GRM8: variants seen among roughly 807,000 people sequenced by gnomAD.
GRM8 encodes the protein metabotropic glutamate receptor 8.
Under a neutral mutation model 87.2 loss-of-function variants are expected in GRM8, and 47 were observed. The ratio of observed to expected loss-of-function variants is 0.54; its 90% CI spans 0.43 to 0.69. The LOEUF (loss-of-function observed/expected upper bound fraction) is 0.69. GRM8 is among the 30% of genes least tolerant of loss of function. The pLI, the probability that GRM8 is intolerant of heterozygous loss-of-function variation, is 0.00. For synonymous variants in GRM8, 396 were observed against 404.5 expected (o/e 0.98, Z 0.25); for missense variants, 1,019 against 1,139.2 (o/e 0.89, Z 1.52).
intron 2 of GRM8, among the ~76,000 whole-genome samples, chr7:127,221,378 G>T (rs1480607637): frequency 6.6e-6 from 1 of 152,148 alleles, no homozygotes; most frequent in Non-Finnish European, 1.5e-5. Flanking sequence ...TGTCACCAGT[G>T]CTACTGCTAA....
At chr7:126,868,170 A>G (rs1798769641) in intron 6 of GRM8, among the ~76,000 whole-genome samples, 1 of 152,154 alleles carries the variant, frequency 6.6e-6, no homozygotes, top group South Asian at 2.1e-4. Flanking sequence ...AGCCAGACCC[A>G]CTGGGCCACA....
At chr7:126,623,869 G>A (rs1443593806) in intron 7 of GRM8, among the ~76,000 whole-genome samples, 4 of 152,188 alleles carry the variant, frequency 2.6e-5, no homozygotes, top group African/African-American at 9.7e-5. Flanking sequence ...CTTGAGCCCG[G>A]GAGGTGGAAG....
intron 3 of GRM8, among the ~76,000 whole-genome samples, chr7:126,934,438 T>C (rs1343321919): frequency 1.3e-5 from 2 of 151,992 alleles, no homozygotes; most frequent in African/African-American, 2.4e-5. Flanking sequence ...GCCAGAGAAA[T>C]AGCAATACAA....
At chr7:126,497,790 C>G (rs899070400) in intron 9 of GRM8, among the ~76,000 whole-genome samples, 4 of 151,890 alleles carry the variant, frequency 2.6e-5, no homozygotes, top group Non-Finnish European at 5.9e-5. Flanking sequence ...AAATGATAGG[C>G]AGTAGTAACC....
At chr7:126,814,826 C>T (rs530280005) in intron 6 of GRM8, among the ~76,000 whole-genome samples, 1 of 151,720 alleles carries the variant, frequency 6.6e-6, no homozygotes, top group African/African-American at 2.4e-5. Context: ...TCAACCAGAA[C>T]CAGAACCCCT....
At chr7:126,918,095 A>G (rs1213219012) in intron 3 of GRM8, among the ~76,000 whole-genome samples, 1 of 152,258 alleles carries the variant, frequency 6.6e-6, no homozygotes, top group African/African-American at 2.4e-5. Flanking sequence ...GAGAAATGCT[A>G]TCATATAGGG....
intron 8 of GRM8, among the ~76,000 whole-genome samples, chr7:126,599,875 T>C (rs980814248): frequency 2.0e-5 from 3 of 152,084 alleles, no homozygotes; most frequent in African/African-American, 7.2e-5. Flanking sequence ...ATGAACTGAA[T>C]CTAAGACACT....
chr7:126,680,089 C>A (rs946166763), intron 7 of GRM8, among the ~76,000 whole-genome samples: 1 of 152,012 alleles, frequency 6.6e-6, no homozygotes, highest in Admixed American at 6.6e-5. Context: ...AGGCTCACCC[C>A]AGATTGCACA....
In GRM8 at chr7:127,071,351, A is replaced by G. The variant is rs145527087; in HGVS notation, c.727+35145T>C. ...AATTTGATATCCTAGAGTATTCAGC[A>G]GGATCCCTTAATGAACTTAAAACTG... On this transcript the variant is annotated intron_variant, in intron 3 of 10. Coordinates refer to ENST00000339582, the MANE Select transcript of GRM8 (RefSeq NM_000845.3). Among the ~76,000 whole-genome samples the G allele has an allele frequency of 2.1e-3, 313 of 152,318 alleles. 3 individuals carry two copies. The highest frequency in any genetic ancestry group is 7.2e-3 in the African/African-American group (300 of 41,582).
intron 3 of GRM8, among the ~76,000 whole-genome samples, chr7:127,096,188 A>C (rs1824635177): frequency 6.6e-6 from 1 of 152,194 alleles, no homozygotes; most frequent in African/African-American, 2.4e-5. Context: ...CCTTTTGCTC[A>C]TTGAGCAAAT....
chr7:126,966,037 C>T (rs1403001952), intron 3 of GRM8, among the ~76,000 whole-genome samples: 3 of 152,118 alleles, frequency 2.0e-5, no homozygotes, highest in Non-Finnish European at 4.4e-5. Context: ...GAAGAAATAG[C>T]ACTCTCTAAA....
At chr7:126,666,684 AT>A (rs1319645891) in intron 7 of GRM8, among the ~76,000 whole-genome samples, 1 of 152,112 alleles carries the variant, frequency 6.6e-6, no homozygotes, top group African/African-American at 2.4e-5. Flanking sequence ...TCTAACAGTG[AT>A]TTAAAAAAAA....
At chr7:126,807,537 C>T (rs1792894492) in intron 6 of GRM8, among the ~76,000 whole-genome samples, 1 of 152,102 alleles carries the variant, frequency 6.6e-6, no homozygotes, top group Admixed American at 6.5e-5. Flanking sequence ...TTTTCCTAGT[C>T]CTTCAGTTGC....
intron 2 of GRM8, among the ~76,000 whole-genome samples, chr7:127,167,024 A>G (rs1383992868): frequency 6.6e-6 from 1 of 152,170 alleles, no homozygotes; most frequent in Non-Finnish European, 1.5e-5. Context: ...AAGTTTCTTC[A>G]CTAAGAGTAG....
chr7:126,562,169 G>A (rs17149975), intron 8 of GRM8, among the ~76,000 whole-genome samples: 19,488 of 152,084 alleles, frequency 0.13, 1,560 homozygotes, highest in South Asian at 0.17. Flanking sequence ...TAAGCTGGAT[G>A]GGTCATTAAA....
chr7:127,190,581 A>C (rs555444615), intron 2 of GRM8, among the ~76,000 whole-genome samples: 70 of 152,218 alleles, frequency 4.6e-4, no homozygotes, highest in African/African-American at 1.4e-3. Context: ...AGTGGAAATG[A>C]ACTGTAAAGT....
At chr7:127,039,355 A>G (rs768105880) in intron 3 of GRM8, among the ~76,000 whole-genome samples, 1 of 152,124 alleles carries the variant, frequency 6.6e-6, no homozygotes, top group Non-Finnish European at 1.5e-5. Context: ...ACACAGGGAG[A>G]AAAGAACCAT....
At chr7:126,826,173 A>G (rs1794772809) in intron 6 of GRM8, among the ~76,000 whole-genome samples, 2 of 152,260 alleles carry the variant, frequency 1.3e-5, no homozygotes, top group South Asian at 2.1e-4. Flanking sequence ...TAGTGCCACA[A>G]TAAACATACG....
intron 2 of GRM8, among the ~76,000 whole-genome samples, chr7:127,130,257 A>C (rs1452531264): frequency 6.6e-6 from 1 of 151,886 alleles, no homozygotes; most frequent in Admixed American, 6.5e-5. Context: ...ACTAATACGG[A>C]TAATTGGTAC....
Sources: gnomAD v4.1 joint callset for allele counts (sites outside exome capture counted in the v4.1 genomes callset) on GRCh38, gnomAD v4.1.1 for gene constraint, MANE v1.5 for transcripts, NCBI Gene and HGNC (gene_info 2026-07-23, HGNC 2026-07-21) for gene names.